Variants in PDE4D observed in about 807,000 individuals in gnomAD.
The protein encoded by PDE4D is 3',5'-cyclic-AMP phosphodiesterase 4D.
PDE4D carries 24 observed loss-of-function variants against 87.4 expected under a neutral mutation model. The observed-to-expected ratio is 0.27, with a 90% CI of 0.20 to 0.39. The LOEUF (loss-of-function observed/expected upper bound fraction) is 0.39. Among genes scored for constraint, PDE4D ranks in the 10% least tolerant of loss-of-function variants. The pLI is 1.00. For synonymous variants in PDE4D, 384 were observed against 383.2 expected, an observed-to-expected ratio of 1.00 and a Z score of -0.02; for missense variants, 714 against 1,041.0, an observed-to-expected ratio of 0.69 and a Z score of 4.32.
chr5:60,324,473 T>C (rs1218233658), intron 1 of PDE4D, among the ~76,000 whole-genome samples: 3 of 152,128 alleles, frequency 2.0e-5, no homozygotes, highest in Non-Finnish European at 4.4e-5. Flanking sequence ...GATGCTGTAT[T>C]GTATAAAGAG....
chr5:59,701,745 T>C (rs1003964492), intron 1 of PDE4D, among the ~76,000 whole-genome samples: 1 of 152,204 alleles, frequency 6.6e-6, no homozygotes, highest in Non-Finnish European at 1.5e-5. Context: ...GTGTGGTGCA[T>C]AGTTGATGTG....
chr5:59,727,033 A>G (rs1194726842), intron 1 of PDE4D, among the ~76,000 whole-genome samples: 2 of 152,048 alleles, frequency 1.3e-5, no homozygotes, highest in Non-Finnish European at 2.9e-5. Flanking sequence ...AGAAAGTCAA[A>G]ACATACGATA....
intron 1 of PDE4D, among the ~76,000 whole-genome samples, chr5:59,304,510 C>CG (rs545405515): frequency 1.0e-3 from 153 of 152,158 alleles, no homozygotes; most frequent in Middle Eastern, 3.4e-3. Context: ...TTTCCCCATT[C>CG]AGTATTACGT....
At chr5:59,028,215 G>C (rs1467185872) in intron 6 of PDE4D, among the ~76,000 whole-genome samples, 2 of 151,858 alleles carry the variant, frequency 1.3e-5, no homozygotes, top group East Asian at 3.8e-4. Context: ...GAAACAAAGG[G>C]CAAACTCCTT....
intron 1 of PDE4D, among the ~76,000 whole-genome samples, chr5:60,434,186 C>T (rs1417325568): frequency 6.6e-6 from 1 of 152,090 alleles, no homozygotes; most frequent in Non-Finnish European, 1.5e-5. Context: ...ATAGGATTTG[C>T]TATGCAGACA....
At chr5:59,793,428 C>G (rs765526698) in intron 1 of PDE4D, among the ~76,000 whole-genome samples, 2 of 152,266 alleles carry the variant, frequency 1.3e-5, no homozygotes, top group East Asian at 3.9e-4. Flanking sequence ...ATCTAAGATG[C>G]TTTTATTCTA....
intron 6 of PDE4D, among the ~76,000 whole-genome samples, chr5:59,017,070 C>T (rs898776005): frequency 5.3e-5 from 8 of 152,178 alleles, no homozygotes; most frequent in Non-Finnish European, 1.2e-4. Flanking sequence ...GGGCACAGCA[C>T]TCTCAACAAA....
chr5:60,257,246 AAGAAAG>A (rs754014801), intron 1 of PDE4D, among the ~76,000 whole-genome samples: 1,885 of 138,198 alleles, frequency 0.014, 63 homozygotes, highest in East Asian at 0.13. Context: ...GAAAGAAAGA[AAGAAAG>A]AAAAGAAAAG....
chr5:59,317,192 G>A (rs1200543406), intron 1 of PDE4D, among the ~76,000 whole-genome samples: 2 of 152,174 alleles, frequency 1.3e-5, no homozygotes, highest in Non-Finnish European at 2.9e-5. Context: ...AGCATCCACT[G>A]GCTTGGTGGG....
intron 1 of PDE4D, among the ~76,000 whole-genome samples, chr5:59,656,438 T>C (rs1580200769): frequency 6.6e-6 from 1 of 152,200 alleles, no homozygotes; most frequent in African/African-American, 2.4e-5. Context: ...GCCAGGTAAG[T>C]GGAGTCAAGA....
chr5:59,723,518 C>T (rs1756156801), intron 1 of PDE4D, among the ~76,000 whole-genome samples: 1 of 152,048 alleles, frequency 6.6e-6, no homozygotes, highest in Non-Finnish European at 1.5e-5. Flanking sequence ...ATGAGGCGAT[C>T]CTACAATGAG....
intron 2 of PDE4D, among the ~76,000 whole-genome samples, chr5:60,115,539 A>G (rs1457830780): frequency 6.6e-6 from 1 of 152,166 alleles, no homozygotes. Flanking sequence ...TATGTTCACT[A>G]TCTTGTGTCT....
intron 5 of PDE4D, among the ~76,000 whole-genome samples, chr5:59,114,532 C>T (rs1204052349): frequency 6.6e-6 from 1 of 151,948 alleles, no homozygotes; most frequent in Non-Finnish European, 1.5e-5. Flanking sequence ...AGATGGATTT[C>T]TATATAAATT....
intron 1 of PDE4D, among the ~76,000 whole-genome samples, chr5:59,821,823 G>T (rs1284775187): frequency 6.6e-6 from 1 of 152,128 alleles, no homozygotes; most frequent in African/African-American, 2.4e-5. Context: ...TGATGTTATT[G>T]AACATGGAGT....
At chr5:59,929,935 T>G (rs1017410) in intron 3 of PDE4D, among the ~76,000 whole-genome samples, 55,093 of 151,994 alleles carry the variant, frequency 0.36, 11,760 homozygotes, top group East Asian at 0.74. Context: ...AAATGTTAGC[T>G]TCATGCAAAT....
At chr5:59,655,118 T>C (rs924557407) in intron 1 of PDE4D, among the ~76,000 whole-genome samples, 4 of 152,162 alleles carry the variant, frequency 2.6e-5, no homozygotes, top group African/African-American at 7.2e-5. Context: ...CAATATTCTA[T>C]GTTTTTTTTC....
intron 1 of PDE4D, among the ~76,000 whole-genome samples, chr5:59,305,823 T>A (rs145037728): frequency 0.015 from 2,355 of 152,286 alleles, 25 homozygotes; most frequent in Non-Finnish European, 0.025. Context: ...GCCTATCATA[T>A]GGTCTATCTT....
At chr5:60,499,063 T>C (rs1305364675) in intron 1 of PDE4D, among the ~76,000 whole-genome samples, 1 of 152,188 alleles carries the variant, frequency 6.6e-6, no homozygotes, top group Non-Finnish European at 1.5e-5. Flanking sequence ...AGATCCTTGA[T>C]GAAGACTAGA....
intron 1 of PDE4D, among the ~76,000 whole-genome samples, chr5:59,808,882 A>T (rs1768027211): frequency 6.6e-6 from 1 of 152,066 alleles, no homozygotes; most frequent in Non-Finnish European, 1.5e-5. Flanking sequence ...GACAGCTAGC[A>T]CCAACACTAC....
Sources: allele counts gnomAD v4.1 joint callset (sites outside exome capture counted in the v4.1 genomes callset), GRCh38; gene constraint gnomAD v4.1.1; transcripts MANE v1.5; gene names NCBI Gene and HGNC (gene_info 2026-07-23, HGNC 2026-07-21).